The following EHBP1 variants were observed in gnomAD, a reference collection of about 807,000 sequenced individuals.
The protein encoded by EHBP1 is EH domain-binding protein 1.
EHBP1 carries 55 observed loss-of-function variants against 144.0 expected under a neutral mutation model. The ratio of observed to expected loss-of-function variants is 0.38; its 90% CI spans 0.31 to 0.48. The LOEUF is 0.48. Ranked by LOEUF, EHBP1 falls within the 20% of genes least tolerant of loss-of-function variation. The pLI is 0.98. For synonymous variants in EHBP1, 469 were observed against 472.7 expected, an observed-to-expected ratio of 0.99 and a Z score of 0.10; for missense variants, 1,200 against 1,364.2, an observed-to-expected ratio of 0.88 and a Z score of 1.90.
intron 5 of EHBP1, among the ~76,000 whole-genome samples, chr2:62,822,972 A>G (rs1253851920): frequency 3.3e-5 from 5 of 152,122 alleles, no homozygotes; most frequent in African/African-American, 4.8e-5. Flanking sequence ...ATTTTGTGTA[A>G]GAACTTAGGG....
chr2:62,911,501 G>A (rs376166705), intron 10 of EHBP1, among the ~76,000 whole-genome samples: 62 of 152,004 alleles, frequency 4.1e-4, no homozygotes, highest in African/African-American at 1.4e-3. Context: ...TCACTCTATC[G>A]CCCAGGCTGG....
At chr2:62,828,622 A>C (rs899202507) in intron 6 of EHBP1, among the ~76,000 whole-genome samples, 4 of 152,190 alleles carry the variant, frequency 2.6e-5, no homozygotes, top group African/African-American at 9.7e-5. Flanking sequence ...GCAAGATTTA[A>C]GTGTGATTTA....
intron 19 of EHBP1, among the ~76,000 whole-genome samples, chr2:63,019,861 AAG>A (rs2060643970): frequency 7.4e-6 from 1 of 134,784 alleles, no homozygotes; most frequent in Non-Finnish European, 1.6e-5. Flanking sequence ...GGAAGGAAGG[AAG>A]GAAGGAAGGA....
At chr2:62,760,810 C>G (rs1468736684) in intron 3 of EHBP1, among the ~76,000 whole-genome samples, 2 of 152,176 alleles carry the variant, frequency 1.3e-5, no homozygotes, top group Non-Finnish European at 2.9e-5. Flanking sequence ...TGAGTTCATG[C>G]AAACCATTTA....
chr2:62,827,116 A>T (rs1040474853), intron 6 of EHBP1, among the ~76,000 whole-genome samples: 1 of 152,184 alleles, frequency 6.6e-6, no homozygotes, highest in Non-Finnish European at 1.5e-5. Context: ...TGGTTACTAT[A>T]ATTGGCCATG....
chr2:62,762,530 G>A (rs2040845633), intron 3 of EHBP1, among the ~76,000 whole-genome samples: 2 of 152,082 alleles, frequency 1.3e-5, no homozygotes, highest in Non-Finnish European at 2.9e-5. Flanking sequence ...TCCCAAATCT[G>A]TCCTTTCTAT....
chr2:62,985,795 G>A (rs1349458713), intron 15 of EHBP1, among the ~76,000 whole-genome samples: 1 of 152,162 alleles, frequency 6.6e-6, no homozygotes, highest in Admixed American at 6.5e-5. Context: ...AATTCCTGGT[G>A]TCATTGGCAA....
Position 62,706,966 on chromosome 2 carries a change from A to T in EHBP1, c.-226A>T. On this transcript the variant is annotated 5_prime_UTR_variant, in exon 2 of 23. Transcript: ENST00000431489. Reference sequence around the variant, plus strand: ...TGTCTCCATGAGGGAACCCCTTCCCACTCATCCTGTCACGTATATCATAGT... The same window carrying T: ...TGTCTCCATGAGGGAACCCCTTCCCTCTCATCCTGTCACGTATATCATAGT... The T allele has an allele frequency of 2.0e-6, 1 of 488,306 alleles. No individual in the cohort carries two copies. The highest frequency in any genetic ancestry group is 3.7e-6 in the Non-Finnish European group (1 of 268,104). The allele number at this position is 488,306 out of a possible 1,614,324, so 30.2% of individuals were successfully genotyped here. A position where few individuals can be genotyped will look rare whatever the true frequency, so the allele number is the denominator to read the frequency against.
At chr2:62,860,784 T>C (rs2049460441) in intron 8 of EHBP1, among the ~76,000 whole-genome samples, 1 of 152,170 alleles carries the variant, frequency 6.6e-6, no homozygotes, top group Admixed American at 6.5e-5. Context: ...AAGTCTGTTA[T>C]CAGAGGTATA....
At chr2:62,877,043 C>T (rs2050944489) in intron 10 of EHBP1, among the ~76,000 whole-genome samples, 1 of 152,084 alleles carries the variant, frequency 6.6e-6, no homozygotes, top group African/African-American at 2.4e-5. Context: ...ATTGTGTGCC[C>T]CACTTAAAAG....
Position 63,037,626 on chromosome 2 carries a change from C to T in EHBP1, c.3195C>T (p.Leu1065=). The T allele has an allele frequency of 6.3e-7, 1 of 1,586,148 alleles. No homozygotes were observed. Among genetic ancestry groups the T allele is most frequent in the South Asian group, 1.1e-5 (1 of 88,118 alleles). ...CCTTAATAAGGAGAATGAATCAGCT[C>T]TCTCTTCTGTAAGTACTCATCATTA... ...KNALIRRMNQ[L]SLLEKEHDLE... Residue 1065 remains leucine, a synonymous_variant, in exon 20 of 23, where the codon CTC becomes CTT. Transcript: ENST00000431489.
intron 4 of EHBP1, among the ~76,000 whole-genome samples, chr2:62,765,156 T>C (rs1368799104): frequency 4.6e-5 from 7 of 152,102 alleles, no homozygotes; most frequent in African/African-American, 1.7e-4. Context: ...ATTACAAATG[T>C]TTTTGTCTGC....
intron 19 of EHBP1, among the ~76,000 whole-genome samples, chr2:63,032,884 G>A (rs2061321178): frequency 1.3e-5 from 2 of 152,140 alleles, no homozygotes; most frequent in African/African-American, 4.8e-5. Context: ...AAGGAGACAG[G>A]ATTTTTCCCA....
rs1040543171 is a variant in EHBP1, at chr2:62,854,595, G to T, written c.635-4574G>T. Among the ~76,000 whole-genome samples the T allele has an allele frequency of 2.0e-5, 3 of 152,316 alleles. No homozygotes were observed. In the East Asian group the frequency reaches 5.8e-4, roughly 29 times the overall value. On this transcript the variant is annotated intron_variant, in intron 7 of 22. Coordinates refer to ENST00000431489, the MANE Select transcript of EHBP1 (RefSeq NM_001142616.3). The stretch of plus-strand genomic sequence containing the variant: ...GGGAGTGGTAGATGGGGGAACAACC[G>T]GGTGGAGCAGTCAGAATGCACACAT...
intron 2 of EHBP1, among the ~76,000 whole-genome samples, chr2:62,737,771 G>GTT (rs898759447): frequency 1.3e-5 from 2 of 151,060 alleles, no homozygotes; most frequent in African/African-American, 4.9e-5. Context: ...AAAAAAAAGA[G>GTT]TTTTTTTTTA....
chr2:62,772,816 G>A (rs1310741134), intron 5 of EHBP1, among the ~76,000 whole-genome samples: 1 of 152,106 alleles, frequency 6.6e-6, no homozygotes, highest in Non-Finnish European at 1.5e-5. Flanking sequence ...TCCTTTCTAT[G>A]CCTGACTTTG....
In EHBP1 at chr2:63,045,649, T is replaced by TC; in HGVS notation, c.*151dup. ...CTCTACTTTACCACCACCACCCTTTTCCTCCCTCCTTTCCAAATAATATAC... is the reference window on the plus strand; with the variant it reads ...CTCTACTTTACCACCACCACCCTTTTCCCTCCCTCCTTTCCAAATAATATAC... On this transcript the variant is annotated 3_prime_UTR_variant, in exon 23 of 23. Transcript: ENST00000431489. The surrounding 1 kb of genome is among the most constrained non-coding windows in gnomAD (Gnocchi z 5.7). 1.6e-6 allele frequency: 1 copy of TC among 619,674 alleles called. No homozygotes were observed. The highest frequency in any genetic ancestry group is 2.9e-5 in the Admixed American group (1 of 33,980). The allele number at this position is 619,674 out of a possible 1,614,324, so 38.4% of individuals were successfully genotyped here. A position where few individuals can be genotyped will look rare whatever the true frequency, so the allele number is the denominator to read the frequency against.
chr2:62,981,112 C>T (rs190749992), intron 15 of EHBP1, among the ~76,000 whole-genome samples: 4 of 148,496 alleles, frequency 2.7e-5, no homozygotes, highest in Non-Finnish European at 5.9e-5. Context: ...CTTCCCTTTT[C>T]GACTCCTATC....
chr2:62,864,039 GTT>G (rs758640697), intron 8 of EHBP1, among the ~76,000 whole-genome samples: 1 of 151,648 alleles, frequency 6.6e-6, no homozygotes, highest in Non-Finnish European at 1.5e-5. Context: ...TAGAGACAGG[GTT>G]TCACCATGTT....
Sources: allele counts gnomAD v4.1 joint callset (sites outside exome capture counted in the v4.1 genomes callset), GRCh38; gene constraint gnomAD v4.1.1; non-coding constraint Gnocchi (gnomAD v3.1); transcripts MANE v1.5; gene names NCBI Gene and HGNC (gene_info 2026-07-23, HGNC 2026-07-21).